The following HCRTR2 variants were observed in gnomAD, a reference collection of about 807,000 sequenced individuals.
HCRTR2 encodes hypocretin receptor 2.
A neutral mutation model predicts 49.0 loss-of-function variants in HCRTR2; 22 were observed. That is an observed-to-expected ratio of 0.45 (90% CI 0.32 to 0.64). The LOEUF is 0.64. HCRTR2 is among the 30% of genes least tolerant of loss of function. The probability of loss-of-function intolerance (pLI) is 0.04; values close to 1 mark genes in which losing one functional copy is unlikely to be tolerated. For missense variants in HCRTR2, 491 were observed against 559.4 expected (o/e 0.88, Z 1.23); for synonymous variants, 236 against 205.3 (o/e 1.15, Z -1.28).
Position 55,263,752 on chromosome 6 carries a change from C to T in HCRTR2, c.692C>T (p.Thr231Ile). Residue 231 changes from threonine (T) to isoleucine (I), a missense_variant, in exon 4 of 7, where the codon ACA becomes ATA. By Grantham distance (89) the Thr-to-Ile change is moderately conservative. Coordinates refer to ENST00000370862, the MANE Select transcript of HCRTR2 (RefSeq NM_001384272.1). ...TACCACATCTGTTTCTTTCTGGTGA[C>T]ATACATGGCACCACTGTGTCTCATG... is the stretch of plus-strand genomic sequence containing the variant. ...KMYHICFFLV[T>I]YMAPLCLMVL... The T allele has an allele frequency of 6.2e-7, 1 of 1,612,730 alleles. No individual in the cohort carries two copies. Among genetic ancestry groups the T allele is most frequent in the Non-Finnish European group, 8.5e-7 (1 of 1,179,116 alleles).
chr6:55,206,581 C>T (rs1765605570), intron 1 of HCRTR2, among the ~76,000 whole-genome samples: 1 of 151,708 alleles, frequency 6.6e-6, no homozygotes, highest in Non-Finnish European at 1.5e-5. Context: ...CGAAAAATAG[C>T]ATCTACCTAT....
intron 2 of HCRTR2, 81 bp from the exon 3 acceptor site, chr6:55,255,055 T>C: frequency 6.7e-7 from 1 of 1,499,902 alleles, no homozygotes; most frequent in Non-Finnish European, 9.1e-7. Context: ...TGTGACTACC[T>C]TTCTCATATA....
chr6:55,266,111 G>A (rs1766855595), intron 4 of HCRTR2, among the ~76,000 whole-genome samples: 1 of 152,132 alleles, frequency 6.6e-6, no homozygotes. Context: ...CCTAAATATA[G>A]ACAGTGCTCA....
rs182290436 is a variant in HCRTR2 at position 55,203,581 on chromosome 6, G to T, written c.223+28771G>T. On this transcript the variant is annotated intron_variant, in intron 1 of 6. Coordinates refer to ENST00000370862, the MANE Select transcript of HCRTR2 (RefSeq NM_001384272.1). ...TATGGAAAAAAGTAAAATGGAAGAG[G>T]TGTTATGGAGTACCTGTTCGGGTAT... Among the ~76,000 whole-genome samples the T allele has an allele frequency of 1.4e-4, 22 of 152,286 alleles. No individual in the cohort carries two copies. The East Asian group carries it at 3.7e-3, about 25-fold the overall frequency.
chr6:55,265,551 C>T (rs1037824248), intron 4 of HCRTR2, among the ~76,000 whole-genome samples: 1 of 152,026 alleles, frequency 6.6e-6, no homozygotes, highest in Non-Finnish European at 1.5e-5. Flanking sequence ...TTTTATGAAC[C>T]GGCATGTGTT....
chr6:55,217,921 A>G (rs1765818623), intron 1 of HCRTR2, among the ~76,000 whole-genome samples: 1 of 152,132 alleles, frequency 6.6e-6, no homozygotes, highest in Admixed American at 6.6e-5. Flanking sequence ...TTCTCCAGAG[A>G]GACAAAACCA....
intron 1 of HCRTR2, among the ~76,000 whole-genome samples, chr6:55,127,269 T>G (rs1352108537): frequency 6.6e-6 from 1 of 152,104 alleles, no homozygotes; most frequent in Admixed American, 6.5e-5. Context: ...GTATCTGGGC[T>G]GGAGTGTGCT....
intron 2 of HCRTR2, 65 bp from the exon 3 acceptor site, chr6:55,255,071 T>C (rs1766623580): frequency 1.3e-6 from 2 of 1,563,216 alleles, no homozygotes; most frequent in African/African-American, 1.4e-5. Flanking sequence ...ATATAGTAAA[T>C]ATATTAAGAG....
chr6:55,283,263 G>A (rs1057485629), downstream of HCRTR2, among the ~76,000 whole-genome samples: 4 of 152,166 alleles, frequency 2.6e-5, no homozygotes, highest in African/African-American at 9.7e-5. Flanking sequence ...ATGAGATGGC[G>A]TCGATGCAAA....
chr6:55,217,354 AT>A (rs1184458439), intron 1 of HCRTR2, among the ~76,000 whole-genome samples: 2 of 152,020 alleles, frequency 1.3e-5, no homozygotes, highest in Non-Finnish European at 2.9e-5. Context: ...TTTTCAAATC[AT>A]TTTGCTGTGA....
chr6:55,221,191 G>A (rs1190975413), intron 1 of HCRTR2, among the ~76,000 whole-genome samples: 2 of 151,534 alleles, frequency 1.3e-5, no homozygotes, highest in Non-Finnish European at 2.9e-5. Flanking sequence ...TTCAGAAATA[G>A]AAAAAAAATC....
At chr6:55,115,190 A>T (rs550480900) in intron 1 of HCRTR2, among the ~76,000 whole-genome samples, 1 of 151,656 alleles carries the variant, frequency 6.6e-6, no homozygotes, top group Non-Finnish European at 1.5e-5. Flanking sequence ...TCATTTATCC[A>T]TGTATATTCT....
At position 55,109,454 on chromosome 6, in the gene HCRTR2, C is replaced by T. The variant is rs1010859852; in HGVS notation, c.-378+2909C>T. On this transcript the variant is annotated intron_variant, in intron 1 of 7. Transcript: ENST00000615358. The stretch of plus-strand genomic sequence containing the variant: ...GGCACCAGAGAAAGGTGAATACCAA[C>T]TTAAAGAAATTAAAAAAAAAAGTTA... Among the ~76,000 whole-genome samples the T allele has an allele frequency of 7.7e-4, 117 of 151,470 alleles. 1 individual carries two copies. Among genetic ancestry groups the T allele is most frequent in the African/African-American group, 2.7e-3 (112 of 41,248 alleles).
intron 4 of HCRTR2, among the ~76,000 whole-genome samples, chr6:55,275,774 C>T (rs1189857105): frequency 3.3e-5 from 5 of 152,016 alleles, no homozygotes; most frequent in Admixed American, 3.3e-4. Flanking sequence ...CCACGCCCAG[C>T]TAATTTTGTA....
chr6:55,243,748 GAT>G (rs1581852533), intron 1 of HCRTR2, among the ~76,000 whole-genome samples: 1 of 151,842 alleles, frequency 6.6e-6, no homozygotes, highest in Non-Finnish European at 1.5e-5. Context: ...AGCTTATAAT[GAT>G]AAAGAGCCTT....
intron 1 of HCRTR2, among the ~76,000 whole-genome samples, chr6:55,184,385 A>G (rs571019651): frequency 1.7e-4 from 26 of 152,292 alleles, no homozygotes; most frequent in Non-Finnish European, 3.2e-4. Flanking sequence ...TCAATGCATC[A>G]CTGTACTCCT....
At chr6:55,265,073 A>G (rs1430804497) in intron 4 of HCRTR2, among the ~76,000 whole-genome samples, 2 of 152,090 alleles carry the variant, frequency 1.3e-5, no homozygotes, top group Non-Finnish European at 2.9e-5. Flanking sequence ...CTGCTATTAC[A>G]AAGAAGTCAT....
At chr6:55,173,506 A>G (rs1042976056), upstream of HCRTR2, among the ~76,000 whole-genome samples, 47 of 152,356 alleles carry the variant, frequency 3.1e-4, no homozygotes, top group Non-Finnish European at 8.8e-5. Flanking sequence ...TAGAATACTT[A>G]TTATTAGAGA....
intron 1 of HCRTR2, among the ~76,000 whole-genome samples, chr6:55,239,732 A>G (rs1766284912): frequency 6.6e-6 from 1 of 151,684 alleles, no homozygotes; most frequent in Admixed American, 6.6e-5. Context: ...AAAACCCGAA[A>G]CACATTTAAG....
Sources: gnomAD v4.1 joint callset for allele counts (sites outside exome capture counted in the v4.1 genomes callset) on GRCh38, gnomAD v4.1.1 for gene constraint, MANE v1.5 for transcripts, NCBI Gene and HGNC (gene_info 2026-07-23, HGNC 2026-07-21) for gene names.